The following PRKAR1A variants were observed in gnomAD, a reference collection of about 807,000 sequenced individuals.
The protein encoded by PRKAR1A is cAMP-dependent protein kinase type I-alpha regulatory subunit.
Under a neutral mutation model 52.0 loss-of-function variants are expected in PRKAR1A, and 3 were observed. That is an observed-to-expected ratio of 0.06 (90% confidence interval 0.03 to 0.15). The LOEUF is 0.15. Ranked by LOEUF, PRKAR1A falls within the 10% of genes least tolerant of loss-of-function variation. PRKAR1A has a pLI of 1.00. For synonymous variants in PRKAR1A, 188 were observed against 168.4 expected (o/e 1.12, Z -0.90); for missense variants, 240 against 477.4 (o/e 0.50, Z 4.63).
chr17:68,453,072 C>T, the PRKAR1A span: 1 of 1,184,908 alleles, frequency 8.4e-7, no homozygotes, highest in Admixed American at 1.7e-5. Flanking sequence ...GCCTTTTGCC[C>T]CCTAGCCTCA....
chr17:68,544,723 G>A (rs1475925064), intron 11 of PRKAR1A, among the ~76,000 whole-genome samples: 3 of 152,176 alleles, frequency 2.0e-5, no homozygotes, highest in Non-Finnish European at 2.9e-5. Context: ...ACAACCCTCC[G>A]TGCTCAGGCC....
chr17:68,549,547 T>C lies in PRKAR1A; in HGVS notation c.974-1537T>C, dbSNP rs2086736127. ...CTATTGTGCCACATAAAAATTTTGC[T>C]CGGAGAACAGAATCTATGGACCTGG... On this transcript the variant is annotated intron_variant, in intron 11 of 11. Coordinates refer to the PRKAR1A transcript ENST00000585981. Among the ~76,000 whole-genome samples the C allele has an allele frequency of 3.3e-5, 5 of 152,022 alleles. No homozygotes were observed. In the South Asian group the frequency reaches 1.0e-3, roughly 32 times the overall value.
chr17:68,459,864 T>G, the PRKAR1A span, among the ~76,000 whole-genome samples: 1 of 146,766 alleles, frequency 6.8e-6, no homozygotes, highest in Non-Finnish European at 1.5e-5. Context: ...TTTTTTTTTT[T>G]GAGACAGAGT....
At chr17:68,497,456 G>A in the PRKAR1A span, among the ~76,000 whole-genome samples, 1 of 152,196 alleles carries the variant, frequency 6.6e-6, no homozygotes, top group Non-Finnish European at 1.5e-5. Flanking sequence ...GTAGTCACTA[G>A]CTACAGCTGG....
the PRKAR1A span, chr17:68,450,662 T>C: frequency 0.28 from 434,589 of 1,525,504 alleles, 64,183 homozygotes; most frequent in Non-Finnish European, 0.31. Context: ...TCTTGAAAGA[T>C]GTCCATCTTT....
chr17:68,515,845 G>A (rs988800022), intron 2 of PRKAR1A: 10 of 455,806 alleles, frequency 2.2e-5, no homozygotes, highest in African/African-American at 1.8e-4. Flanking sequence ...TTTTAAATTA[G>A]TGCGTAGAAC....
At chr17:68,470,608 G>T in the PRKAR1A span, among the ~76,000 whole-genome samples, 3 of 152,136 alleles carry the variant, frequency 2.0e-5, no homozygotes, top group African/African-American at 7.2e-5. Context: ...TCTGCCAAAG[G>T]TGGCCAAGAT....
the PRKAR1A span, among the ~76,000 whole-genome samples, chr17:68,491,785 G>A: frequency 1.3e-5 from 2 of 150,618 alleles, no homozygotes; most frequent in African/African-American, 2.4e-5. Context: ...TGGTGCTAAC[G>A]CACAAAAAAA....
At chr17:68,540,701 TG>T in intron 11 of PRKAR1A, 1 of 996,944 alleles carries the variant, frequency 1.0e-6, no homozygotes, top group Non-Finnish European at 1.5e-6. Context: ...TTCTGTCCTC[TG>T]GGACCTCCGC....
At chr17:68,435,858 G>T in the PRKAR1A span, 1 of 713,942 alleles carries the variant, frequency 1.4e-6, no homozygotes, top group Non-Finnish European at 2.4e-6. Context: ...CTGCATGTAA[G>T]CTGTGTGTCA....
intron 11 of PRKAR1A, among the ~76,000 whole-genome samples, chr17:68,550,273 A>G (rs542764156): frequency 1.3e-5 from 2 of 152,244 alleles, no homozygotes; most frequent in South Asian, 2.1e-4. Flanking sequence ...TATAAATATA[A>G]GCAGACATTC....
At chr17:68,535,903 A>G (rs754664137), downstream of PRKAR1A, 5 of 454,092 alleles carry the variant, frequency 1.1e-5, no homozygotes, top group South Asian at 6.2e-5. Context: ...GAATAGGTCT[A>G]AACCACTAAA....
chr17:68,436,846 T>C, the PRKAR1A span, among the ~76,000 whole-genome samples: 1 of 151,628 alleles, frequency 6.6e-6, no homozygotes, highest in Non-Finnish European at 1.5e-5. Context: ...AAAATACAAA[T>C]AGCTGGGCAT....
At chr17:68,516,006 CAT>C (rs2085421759) in intron 2 of PRKAR1A, among the ~76,000 whole-genome samples, 2 of 152,122 alleles carry the variant, frequency 1.3e-5, no homozygotes, top group African/African-American at 4.8e-5. Flanking sequence ...TGTAATGAAA[CAT>C]GAATCTAGCT....
the PRKAR1A span, among the ~76,000 whole-genome samples, chr17:68,489,186 GTATATATATATA>G: frequency 0.05 from 555 of 11,070 alleles, 53 homozygotes; most frequent in African/African-American, 0.16. Flanking sequence ...ATCTTGGAAA[GTATATATATATA>G]TATATATATA....
chr17:68,531,358 T>C lies in PRKAR1A; in HGVS notation c.*909T>C. 3 of 1,065,870 alleles carry C rather than the reference T, an allele frequency of 2.8e-6. No individual in the cohort carries two copies. Among genetic ancestry groups the C allele is most frequent in the Non-Finnish European group, 3.4e-6 (3 of 879,534 alleles). 66.0% of individuals were successfully genotyped at this position (1,065,870 alleles called of 1,614,324 possible). ...TGTCCTTCAGCTGACTCCAGTATAA[T>C]CTCCTCTGCTCATTAAACTGATTCC... On this transcript the variant is annotated 3_prime_UTR_variant, in exon 11 of 11. Coordinates refer to ENST00000589228, the MANE Select transcript of PRKAR1A (RefSeq NM_002734.5).
chr17:68,537,061 T>C (rs929093989), downstream of PRKAR1A: 7 of 457,576 alleles, frequency 1.5e-5, no homozygotes, highest in African/African-American at 1.4e-4. The surrounding 1 kb of genome is among the most constrained non-coding windows in gnomAD (Gnocchi z 4.2). Context: ...GCCAGGTGTT[T>C]TGTCTGGACC....
the PRKAR1A span, among the ~76,000 whole-genome samples, chr17:68,446,954 C>T: frequency 1.3e-5 from 2 of 152,156 alleles, no homozygotes; most frequent in African/African-American, 4.8e-5. Flanking sequence ...ACTCTTAGTT[C>T]GTGTGAGAGC....
intron 6 of PRKAR1A, among the ~76,000 whole-genome samples, 190 bp from the exon 7 acceptor site, chr17:68,525,563 TA>T: frequency 6.6e-6 from 1 of 152,318 alleles, no homozygotes; most frequent in South Asian, 2.1e-4. Flanking sequence ...TCAGGTAAAT[TA>T]TAGACACTCT....
Sources: gnomAD v4.1 joint callset for allele counts (sites outside exome capture counted in the v4.1 genomes callset) on GRCh38, gnomAD v4.1.1 for gene constraint, Gnocchi (gnomAD v3.1) non-coding constraint, MANE v1.5 for transcripts, NCBI Gene and HGNC (gene_info 2026-07-23, HGNC 2026-07-21) for gene names.